The following KCNQ1 variants were observed in gnomAD, a reference collection of about 807,000 sequenced individuals.
The protein encoded by KCNQ1 is potassium voltage-gated channel subfamily KQT member 1.
In KCNQ1, 49 loss-of-function variants were observed where a neutral mutation model predicts 72.4. The observed-to-expected ratio is 0.68, with a 90% CI of 0.54 to 0.86. KCNQ1 has a LOEUF of 0.86. Ranked by LOEUF, KCNQ1 falls within the 40% of genes least tolerant of loss-of-function variation. The pLI is 0.00. For missense variants in KCNQ1, 790 were observed against 945.1 expected (o/e 0.84, Z 2.15); for synonymous variants, 450 against 412.6 (o/e 1.09, Z -1.10).
At position 2,723,097 on chromosome 11, in the gene KCNQ1, C is replaced by T. The variant is rs1480902143; in HGVS notation, c.1515-45747C>T. Among the ~76,000 whole-genome samples, 3 of 152,244 alleles carry T rather than the reference C, an allele frequency of 2.0e-5. No individual in the cohort carries two copies. Among genetic ancestry groups the T allele is most frequent in the Non-Finnish European group, 2.9e-5 (2 of 68,034 alleles). ...CGGAGAGGACAGGGGGGATCCCAGACGGATCCTGAAAACAGGCTCCGCCTT... is the reference window on the plus strand; with the variant it reads ...CGGAGAGGACAGGGGGGATCCCAGATGGATCCTGAAAACAGGCTCCGCCTT... On this transcript the variant is annotated intron_variant, in intron 11 of 15. Transcript: ENST00000155840. The surrounding 1 kb of genome is among the most constrained non-coding windows in gnomAD (Gnocchi z 4.2).
At chr11:2,596,266 A>G (rs1223901917) in intron 10 of KCNQ1, among the ~76,000 whole-genome samples, 1 of 152,228 alleles carries the variant, frequency 6.6e-6, no homozygotes, top group East Asian at 1.9e-4. Flanking sequence ...ACCATTTGGG[A>G]AACAGTTCAG....
At chr11:2,622,569 C>G (rs1469771638) in intron 10 of KCNQ1, 1 of 398,348 alleles carries the variant, frequency 2.5e-6, no homozygotes, top group East Asian at 3.6e-5. Flanking sequence ...AAAAGAAGTT[C>G]TGACATTTTG....
In KCNQ1 at chr11:2,683,802, C is replaced by T; in HGVS notation, c.1514+21721C>T. On this transcript the variant is annotated intron_variant, in intron 11 of 15. Coordinates refer to ENST00000155840, the MANE Select transcript of KCNQ1 (RefSeq NM_000218.3). This position sits in a 1 kb window ranked among gnomAD's most constrained non-coding sequence, Gnocchi z 4.7. ...CTGCTCTTACTCTATACCCCAAAAT[C>T]CCAGCCACTAGCTTGCAGAATGGCT... is the stretch of plus-strand genomic sequence containing the variant. 5.0e-6 allele frequency: 2 copies of T among 398,640 alleles called. No homozygotes were observed. Among genetic ancestry groups the T allele is most frequent in the African/African-American group, 2.1e-5 (1 of 48,750 alleles). The allele number at this position is 398,640 out of a possible 1,614,324, so 24.7% of individuals were successfully genotyped here.
intron 1 of KCNQ1, chr11:2,521,553 T>C: frequency 2.1e-6 from 1 of 469,908 alleles, no homozygotes; most frequent in South Asian, 1.6e-5. Flanking sequence ...CGCCCCGGGG[T>C]TTCAGCTTCG....
intron 11 of KCNQ1, chr11:2,672,598 T>A (rs1053200730): frequency 1.5e-5 from 6 of 398,664 alleles, no homozygotes; most frequent in Admixed American, 4.4e-5. Flanking sequence ...TGGGAAAGCA[T>A]CCCTGTAGGT....
chr11:2,765,563 C>T (rs1367988410), intron 11 of KCNQ1, among the ~76,000 whole-genome samples: 2 of 152,200 alleles, frequency 1.3e-5, no homozygotes, highest in Non-Finnish European at 2.9e-5. Context: ...GCTTTTCTAT[C>T]AGTTACTGAC....
intron 1 of KCNQ1, among the ~76,000 whole-genome samples, chr11:2,480,641 T>A (rs1846637277): frequency 6.6e-6 from 1 of 152,134 alleles, no homozygotes; most frequent in Non-Finnish European, 1.5e-5. Flanking sequence ...CCAAACCATA[T>A]CAGAGTTGAA....
At chr11:2,591,736 C>T (rs1468855646) in intron 10 of KCNQ1, among the ~76,000 whole-genome samples, 1 of 152,230 alleles carries the variant, frequency 6.6e-6, no homozygotes, top group East Asian at 1.9e-4. Flanking sequence ...GAAAGTCAGG[C>T]GCCTTTTGTG....
intron 15 of KCNQ1, among the ~76,000 whole-genome samples, chr11:2,810,586 C>G (rs937772534): frequency 2.6e-5 from 4 of 152,226 alleles, no homozygotes; most frequent in Non-Finnish European, 4.4e-5. Context: ...ATTTGATGGG[C>G]ACGACAGCTC....
At chr11:2,646,161 C>T (rs922448082) in intron 10 of KCNQ1, 49 of 398,442 alleles carry the variant, frequency 1.2e-4, no homozygotes, top group Middle Eastern at 6.2e-4. Flanking sequence ...CTCTCAGAGG[C>T]GATCTATATA....
chr11:2,780,531 G>A (rs1253662831), intron 15 of KCNQ1, among the ~76,000 whole-genome samples: 1 of 152,170 alleles, frequency 6.6e-6, no homozygotes, highest in African/African-American at 2.4e-5. Context: ...TGGTCTGGCT[G>A]CCTGCCGGAA....
rs977788966 is a variant in KCNQ1, at chr11:2,623,861, G to C, written c.1393+35007G>C. Reference sequence around the variant, plus strand: ...AAACCACTGATTTCGATATACTCTGGATTCTTCGGGGGATATGTATACACA... The same window carrying C: ...AAACCACTGATTTCGATATACTCTGCATTCTTCGGGGGATATGTATACACA... On this transcript the variant is annotated intron_variant, in intron 10 of 15. Transcript: ENST00000155840. This position sits in a 1 kb window ranked among gnomAD's most constrained non-coding sequence, Gnocchi z 5.2. 2 of 398,416 alleles carry C rather than the reference G, an allele frequency of 5.0e-6. No individual in the cohort carries two copies. Among genetic ancestry groups the C allele is most frequent in the Non-Finnish European group, 8.8e-6 (2 of 226,054 alleles). The allele number at this position is 398,416 out of a possible 1,614,324, so 24.7% of individuals were successfully genotyped here.
At chr11:2,667,478 G>T in intron 11 of KCNQ1, 1 of 397,448 alleles carries the variant, frequency 2.5e-6, no homozygotes, top group South Asian at 1.3e-4. Context: ...TGGAGGATGT[G>T]ACAGAGAGAA....
intron 11 of KCNQ1, chr11:2,665,700 A>G (rs1850055462): frequency 1.0e-5 from 4 of 398,234 alleles, no homozygotes; most frequent in African/African-American, 8.3e-5. Flanking sequence ...GGAGAAGGGC[A>G]TGTATAGCCC....
At chr11:2,689,920 C>T (rs1850561328) in intron 11 of KCNQ1, 2 of 398,726 alleles carry the variant, frequency 5.0e-6, no homozygotes. Context: ...ACTTCTGGTA[C>T]TCCCAGGCTG....
intron 11 of KCNQ1, among the ~76,000 whole-genome samples, chr11:2,744,326 T>G (rs903795529): frequency 1.3e-5 from 2 of 152,220 alleles, no homozygotes; most frequent in African/African-American, 4.8e-5. Context: ...TGGCCCCTGA[T>G]GGGCTCACTG....
Position 2,668,512 on chromosome 11 carries a change from T to C in KCNQ1, c.1514+6431T>C, listed in dbSNP as rs1850124105. The C allele has an allele frequency of 2.5e-6, 1 of 398,512 alleles. No homozygotes were observed. The highest frequency in any genetic ancestry group is 4.4e-6 in the Non-Finnish European group (1 of 226,070). 24.7% of individuals were successfully genotyped at this position (398,512 alleles called of 1,614,324 possible). On this transcript the variant is annotated intron_variant, in intron 11 of 15. Transcript: ENST00000155840. The surrounding 1 kb of genome is among the most constrained non-coding windows in gnomAD (Gnocchi z 4.3). ...ATGGTGAATGTCTAGCAGCATCAAATGGTGATTTTAATTTGCAGTAACCTG... is the reference window on the plus strand; with the variant it reads ...ATGGTGAATGTCTAGCAGCATCAAACGGTGATTTTAATTTGCAGTAACCTG...
At chr11:2,534,859 A>G (rs1482158740) in intron 2 of KCNQ1, among the ~76,000 whole-genome samples, 1 of 152,222 alleles carries the variant, frequency 6.6e-6, no homozygotes, top group Non-Finnish European at 1.5e-5. Context: ...GCCAGGATCT[A>G]TGTGCAAGCA....
chr11:2,753,241 C>T (rs1846253437), intron 11 of KCNQ1, among the ~76,000 whole-genome samples: 1 of 152,176 alleles, frequency 6.6e-6, no homozygotes, highest in Non-Finnish European at 1.5e-5. Context: ...GATCTTCAGT[C>T]TGTCCCTCGG....
Sources: allele counts gnomAD v4.1 joint callset (sites outside exome capture counted in the v4.1 genomes callset), GRCh38; gene constraint gnomAD v4.1.1; non-coding constraint Gnocchi (gnomAD v3.1); transcripts MANE v1.5; gene names NCBI Gene and HGNC (gene_info 2026-07-23, HGNC 2026-07-21).